NOTCH1: variants seen among roughly 807,000 people sequenced by gnomAD.
The protein encoded by NOTCH1 is notch receptor 1.
NOTCH1 carries 37 observed loss-of-function variants against 254.8 expected under a neutral mutation model. That is an observed-to-expected ratio of 0.15 (90% CI 0.11 to 0.19). The LOEUF (loss-of-function observed/expected upper bound fraction) is 0.19. Ranked by LOEUF, NOTCH1 falls within the 10% of genes least tolerant of loss-of-function variation. NOTCH1 has a pLI of 1.00. For missense variants in NOTCH1, 2,972 were observed against 3,708.6 expected, an observed-to-expected ratio of 0.80 and a Z score of 5.16; for synonymous variants, 1,731 against 1,618.1, an observed-to-expected ratio of 1.07 and a Z score of -1.68.
At chr9:136,537,677 T>G (rs1400408484) in intron 2 of NOTCH1, among the ~76,000 whole-genome samples, 1 of 152,204 alleles carries the variant, frequency 6.6e-6, no homozygotes, top group Non-Finnish European at 1.5e-5. Context: ...ACACCTGTGG[T>G]CCCAGCTACT....
chr9:136,509,654 T>C, intron 18 of NOTCH1, 79 bp downstream of exon 18: 1 of 1,337,780 alleles, frequency 7.5e-7, no homozygotes, highest in Non-Finnish European at 1.1e-6. Flanking sequence ...GACGCCTGCA[T>C]GGTGTGCCAG....
chr9:136,541,692 G>C (rs1361154489), intron 2 of NOTCH1, among the ~76,000 whole-genome samples: 1 of 152,224 alleles, frequency 6.6e-6, no homozygotes, highest in African/African-American at 2.4e-5. Context: ...TCAAGCCCAG[G>C]GAGGGAGCCC....
chr9:136,495,936 T>G lies in NOTCH1; in HGVS notation c.*135A>C. On this transcript the variant is annotated 3_prime_UTR_variant, in exon 34 of 34. Coordinates refer to ENST00000651671, the MANE Select transcript of NOTCH1 (RefSeq NM_017617.5). ...TACATAAATAAATACTAAAAAAAATTAAAATCCTCGTTCTTATTTTGTATA... is the reference window on the plus strand; with the variant it reads ...TACATAAATAAATACTAAAAAAAATGAAAATCCTCGTTCTTATTTTGTATA... The G allele has an allele frequency of 1.0e-6, 1 of 980,880 alleles. No individual in the cohort carries two copies. Among genetic ancestry groups the G allele is most frequent in the Non-Finnish European group, 1.5e-6 (1 of 688,566 alleles). The allele number at this position is 980,880 out of a possible 1,614,324, so 60.8% of individuals were successfully genotyped here. A position where few individuals can be genotyped will look rare whatever the true frequency, so the allele number is the denominator to read the frequency against.
chr9:136,501,168 C>T (rs1412553548), intron 30 of NOTCH1, among the ~76,000 whole-genome samples: 1 of 152,234 alleles, frequency 6.6e-6, no homozygotes, highest in Non-Finnish European at 1.5e-5. Context: ...GATGCGGAGG[C>T]TCACGCTGTC....
rs569015127 is a variant in NOTCH1 at position 136,538,624 on chromosome 9, C to T, written c.140+5400G>A. ...AGCTGCTGGTATTTCCTCCTCAGCC[C>T]GGGGAAAGATCCGGAAAGTTCTGGA... is the stretch of plus-strand genomic sequence containing the variant. On this transcript the variant is annotated intron_variant, in intron 2 of 33. Coordinates refer to ENST00000651671, the MANE Select transcript of NOTCH1 (RefSeq NM_017617.5). Among the ~76,000 whole-genome samples, 101 of 152,342 alleles carry T rather than the reference C, an allele frequency of 6.6e-4. 1 individual carries two copies. The highest frequency in any genetic ancestry group is 1.9e-3 in the Admixed American group (29 of 15,300).
rs1297832703 is a variant in NOTCH1 at position 136,495,261 on chromosome 9, A to C, written c.*810T>G. On this transcript the variant is annotated 3_prime_UTR_variant, in exon 34 of 34. Coordinates refer to ENST00000651671, the MANE Select transcript of NOTCH1 (RefSeq NM_017617.5). ...TGACATGCATGATGCCTACATTTCA[A>C]GAACGGGCAGGGGGCCGGGGTGGTT... 1 of 399,048 alleles carries C rather than the reference A, an allele frequency of 2.5e-6. No individual in the cohort carries two copies. Among genetic ancestry groups the C allele is most frequent in the Non-Finnish European group, 4.4e-6 (1 of 226,074 alleles). The allele number at this position is 399,048 out of a possible 1,614,324, so 24.7% of individuals were successfully genotyped here.
At chr9:136,527,777 G>A (rs1305662648) in intron 2 of NOTCH1, among the ~76,000 whole-genome samples, 1 of 152,196 alleles carries the variant, frequency 6.6e-6, no homozygotes, top group Non-Finnish European at 1.5e-5. Context: ...GCGGCGCTGG[G>A]GTAACCTGTC....
rs970983895 is a variant in NOTCH1, at chr9:136,540,243, G to A, written c.140+3781C>T. ...GGGAAGTGAACTCCACAGGAGCAGG[G>A]GCCATGTCTGCCCTGTCCCCACCGG... On this transcript the variant is annotated intron_variant, in intron 2 of 33. Coordinates refer to ENST00000651671, the MANE Select transcript of NOTCH1 (RefSeq NM_017617.5). The surrounding 1 kb of genome is among the most constrained non-coding windows in gnomAD (Gnocchi z 4.4). 1.3e-5 allele frequency among the ~76,000 whole-genome samples: 2 copies of A among 152,274 alleles called. No homozygotes were observed. Among genetic ancestry groups the A allele is most frequent in the South Asian group, 4.2e-4 (2 of 4,814 alleles).
chr9:136,506,702 G>T lies in NOTCH1; in HGVS notation c.3901+14C>A. 1 of 1,597,010 alleles carries T rather than the reference G, an allele frequency of 6.3e-7. No individual in the cohort carries two copies. The highest frequency in any genetic ancestry group is 8.5e-7 in the Non-Finnish European group (1 of 1,172,608). ...CTGCCCCACACGCCCCACCCGCCTGGGCGCGGCACCCACCGGTGTGACCAG... is the reference window on the plus strand; with the variant it reads ...CTGCCCCACACGCCCCACCCGCCTGTGCGCGGCACCCACCGGTGTGACCAG... On this transcript the variant is annotated intron_variant, in intron 23 of 33. Transcript: ENST00000651671. The surrounding 1 kb of genome is among the most constrained non-coding windows in gnomAD (Gnocchi z 4.5).
rs1443765328 is a variant in NOTCH1 at position 136,497,462 on chromosome 9, T to C, written c.6277A>G (p.Met2093Val). 1.2e-6 allele frequency: 2 copies of C among 1,612,498 alleles called. No homozygotes were observed. Among genetic ancestry groups the C allele is most frequent in the Non-Finnish European group, 1.7e-6 (2 of 1,179,936 alleles). ...GCGATGTCGCGCGGCAGGCGGTCCA[T>C]ATGATCCGTGATGTCCCGGTTGGCA... ...HFANRDITDH[M>V]DRLPRDIAQE... is the part of the protein sequence containing the mutation. Residue 2093 changes from methionine (M) to valine (V), a missense_variant, in exon 34 of 34, where the codon ATG (methionine) becomes GTG (valine). Met to Val is a conservative substitution (Grantham distance 21, BLOSUM62 1). Transcript: ENST00000651671.
chr9:136,539,451 C>T (rs1351731082), intron 2 of NOTCH1, among the ~76,000 whole-genome samples: 3 of 152,170 alleles, frequency 2.0e-5, no homozygotes, highest in East Asian at 1.9e-4. Flanking sequence ...TGCAGTGGCA[C>T]GATCTCAGCT....
rs565880758 is a variant in NOTCH1 at position 136,504,801 on chromosome 9, G to A, written c.4890C>T (p.Pro1630=). Residue 1630 remains proline, a synonymous_variant, in exon 26 of 34, where the codon CCC becomes CCT. Coordinates refer to ENST00000651671, the MANE Select transcript of NOTCH1 (RefSeq NM_017617.5). ...YGREEELRKH[P]IKRAAEGWAA... is the part of the protein sequence containing the mutation. ...CCCAGCCCTCGGCGGCACGCTTGAT[G>A]GGGTGCTTGCGCAGCTCCTCCTCGC... 2 of 1,561,464 alleles carry A rather than the reference G, an allele frequency of 1.3e-6. No individual in the cohort carries two copies. Among genetic ancestry groups the A allele is most frequent in the African/African-American group, 2.7e-5 (2 of 74,054 alleles).
intron 9 of NOTCH1, among the ~76,000 whole-genome samples, chr9:136,516,618 G>A (rs1377091709): frequency 3.9e-5 from 6 of 151,958 alleles, no homozygotes; most frequent in African/African-American, 1.4e-4. Context: ...CAGGGGACAT[G>A]GCAGGACAGG....
chr9:136,541,728 T>C (rs991719006), intron 2 of NOTCH1, among the ~76,000 whole-genome samples: 1 of 152,198 alleles, frequency 6.6e-6, no homozygotes, highest in Admixed American at 6.5e-5. Context: ...GCGGCTGCAA[T>C]GTCCCCCAGA....
Position 136,496,353 on chromosome 9 carries a change from G to T in NOTCH1, c.7386C>A (p.Pro2462=). Residue 2462 remains proline (P), a synonymous_variant, in exon 34 of 34, where the codon CCC becomes CCA. Transcript: ENST00000651671. ...AGGATGGCAGCGACGTGGGCAGGGC[G>T]GGGCTCTCCTGGGGCAGAATAGTGT... is the stretch of plus-strand genomic sequence containing the variant. ...AVHTILPQES[P]ALPTSLPSSL... 1 of 1,593,388 alleles carries T rather than the reference G, an allele frequency of 6.3e-7. No homozygotes were observed.
rs753681098 is a variant in NOTCH1, at chr9:136,518,763, G to A, written c.927C>T (p.Gly309=). ...CQLMPNACQN[G]GTCHNTHGGY... ...CACCGTGGGTGTTGTGGCAGGTCCCGCCGTTCTGGCAGGCATTTGGCATCA... is the reference window on the plus strand; with the variant it reads ...CACCGTGGGTGTTGTGGCAGGTCCCACCGTTCTGGCAGGCATTTGGCATCA... Residue 309 remains glycine, a synonymous_variant, in exon 6 of 34, where the codon GGC becomes GGT. Coordinates refer to ENST00000651671, the MANE Select transcript of NOTCH1 (RefSeq NM_017617.5). 35 of 1,612,544 alleles carry A rather than the reference G, an allele frequency of 2.2e-5. 1 individual carries two copies. In the Middle Eastern group the frequency reaches 6.6e-4, roughly 30 times the overall value.
intron 2 of NOTCH1, among the ~76,000 whole-genome samples, chr9:136,541,807 C>A (rs771474412): frequency 6.6e-6 from 1 of 152,244 alleles, no homozygotes; most frequent in African/African-American, 2.4e-5. Context: ...TCCAACTCTG[C>A]GGCCCAGAAG....
chr9:136,496,848 A>G lies in NOTCH1; in HGVS notation c.6891T>C (p.Thr2297=), dbSNP rs971070774. The change falls in exon 34 of 34, where the codon ACT becomes ACC. Residue 2297 remains threonine, a synonymous_variant. Transcript: ENST00000651671. ...CATTCAAACTGGTGGACCCGCCCACAGTGAAATTCAGGGCCCCTCCGCTGC... is the reference window on the plus strand; with the variant it reads ...CATTCAAACTGGTGGACCCGCCCACGGTGAAATTCAGGGCCCCTCCGCTGC... ...GSSSGGALNF[T]VGGSTSLNGQ... 3 of 1,612,916 alleles carry G rather than the reference A, an allele frequency of 1.9e-6. No homozygotes were observed. Among genetic ancestry groups the G allele is most frequent in the South Asian group, 1.1e-5 (1 of 91,088 alleles).
chr9:136,534,550 C>T (rs1843611847), intron 2 of NOTCH1, among the ~76,000 whole-genome samples: 1 of 152,148 alleles, frequency 6.6e-6, no homozygotes, highest in Non-Finnish European at 1.5e-5. Flanking sequence ...AGAACAGCGC[C>T]CACCTGGTGC....
Sources: gnomAD v4.1 joint callset for allele counts (sites outside exome capture counted in the v4.1 genomes callset) on GRCh38, gnomAD v4.1.1 for gene constraint, Gnocchi (gnomAD v3.1) non-coding constraint, MANE v1.5 for transcripts, NCBI Gene and HGNC (gene_info 2026-07-23, HGNC 2026-07-21) for gene names.